LRMDA: variants seen among roughly 807,000 people sequenced by gnomAD.
LRMDA encodes the protein leucine rich melanocyte differentiation associated.
A neutral mutation model predicts 29.8 loss-of-function variants in LRMDA; 18 were observed. The observed-to-expected ratio is 0.60, with a 90% CI of 0.42 to 0.90. The LOEUF (loss-of-function observed/expected upper bound fraction) is 0.90, where lower values mean the gene tolerates loss of function less well. Among genes scored for constraint, LRMDA ranks in the 40% least tolerant of loss-of-function variants. LRMDA has a pLI of 0.00. For synonymous variants in LRMDA, 125 were observed against 109.4 expected, an observed-to-expected ratio of 1.14 and a Z score of -0.89; for missense variants, 273 against 273.9, an observed-to-expected ratio of 1.00 and a Z score of 0.02.
At chr10:76,113,810 G>A (rs1208628689) in intron 5 of LRMDA, among the ~76,000 whole-genome samples, 4 of 152,190 alleles carry the variant, frequency 2.6e-5, no homozygotes, top group Non-Finnish European at 4.4e-5. Flanking sequence ...GCTCGCCATG[G>A]CAACCTTTTC....
chr10:75,837,355 G>A (rs1453310054), intron 2 of LRMDA, among the ~76,000 whole-genome samples: 1 of 152,122 alleles, frequency 6.6e-6, no homozygotes, highest in Non-Finnish European at 1.5e-5. Flanking sequence ...GAATTTGAGT[G>A]AGCCCTTGAA....
At chr10:76,023,651 G>A (rs1848013809) in intron 2 of LRMDA, among the ~76,000 whole-genome samples, 1 of 152,356 alleles carries the variant, frequency 6.6e-6, no homozygotes, top group South Asian at 2.1e-4. Flanking sequence ...CAGGAGGCAA[G>A]GGTTTGACTG....
chr10:76,422,596 C>T (rs7923225), intron 6 of LRMDA, among the ~76,000 whole-genome samples: 6,943 of 152,232 alleles, frequency 0.046, 423 homozygotes, highest in African/African-American at 0.14. Context: ...TTTCATGTCT[C>T]ATTCTAGGGT....
intron 5 of LRMDA, among the ~76,000 whole-genome samples, chr10:76,108,976 A>C (rs1222585769): frequency 6.6e-6 from 1 of 152,220 alleles, no homozygotes; most frequent in East Asian, 1.9e-4. Flanking sequence ...ATGGGCAGCG[A>C]ATTTCTGAAA....
chr10:75,663,903 A>G (rs1841787746), intron 2 of LRMDA, among the ~76,000 whole-genome samples: 1 of 152,124 alleles, frequency 6.6e-6, no homozygotes, highest in Admixed American at 6.5e-5. Flanking sequence ...ACAAAATTCA[A>G]CACTTGTCTT....
At chr10:76,180,222 G>A (rs1433239520) in intron 5 of LRMDA, among the ~76,000 whole-genome samples, 1 of 151,362 alleles carries the variant, frequency 6.6e-6, no homozygotes, top group African/African-American at 2.4e-5. Flanking sequence ...AGACTCCTGT[G>A]AGCCCAGTAG....
intron 2 of LRMDA, among the ~76,000 whole-genome samples, chr10:75,765,254 C>G (rs1009391981): frequency 6.6e-6 from 1 of 151,560 alleles, no homozygotes; most frequent in Non-Finnish European, 1.5e-5. Flanking sequence ...ATGAGCCAAT[C>G]CCTGTCAGAT....
chr10:76,299,709 A>G lies in LRMDA; in HGVS notation c.517-24692A>G, dbSNP rs567179302. Among the ~76,000 whole-genome samples, 6 of 151,694 alleles carry G rather than the reference A, an allele frequency of 4.0e-5. No homozygotes were observed. The East Asian group carries it at 9.7e-4, about 25-fold the overall frequency. ...ACTGCCTGGGGGCCAAAACTTGCTA[A>G]TTAGAGGGTTGGAGGAATCTTCGCA... On this transcript the variant is annotated intron_variant, in intron 5 of 6. Transcript: ENST00000611255.
intron 2 of LRMDA, among the ~76,000 whole-genome samples, chr10:75,464,093 C>T (rs559137114): frequency 9.8e-5 from 15 of 152,350 alleles, no homozygotes; most frequent in South Asian, 6.2e-4. Flanking sequence ...TGAGCCACTG[C>T]GCCCATCCTG....
chr10:75,629,735 A>G (rs1405555757), intron 2 of LRMDA, among the ~76,000 whole-genome samples: 1 of 152,252 alleles, frequency 6.6e-6, no homozygotes, highest in Non-Finnish European at 1.5e-5. Flanking sequence ...ATAACTAGTT[A>G]AAATGATATC....
chr10:76,124,033 T>A (rs769335021), intron 5 of LRMDA, among the ~76,000 whole-genome samples: 8 of 152,214 alleles, frequency 5.3e-5, no homozygotes, highest in Non-Finnish European at 8.8e-5. Flanking sequence ...TTGTTAATCT[T>A]GCTTTCTTCT....
intron 2 of LRMDA, among the ~76,000 whole-genome samples, chr10:75,981,265 A>T (rs919544856): frequency 1.3e-5 from 2 of 152,100 alleles, no homozygotes; most frequent in Non-Finnish European, 2.9e-5. Flanking sequence ...CAATTGGAAG[A>T]TATGTTTTCT....
At chr10:75,917,592 T>C (rs1564606312) in intron 2 of LRMDA, among the ~76,000 whole-genome samples, 1 of 152,118 alleles carries the variant, frequency 6.6e-6, no homozygotes, top group African/African-American at 2.4e-5. Flanking sequence ...TATCAACGAA[T>C]GGATTATTTT....
chr10:76,478,262 G>T (rs1589207918), intron 6 of LRMDA, among the ~76,000 whole-genome samples: 1 of 152,270 alleles, frequency 6.6e-6, no homozygotes, highest in East Asian at 1.9e-4. Flanking sequence ...CTTCTCAAAA[G>T]AAGACATTTA....
At chr10:75,431,959 C>T (rs187866179) in intron 1 of LRMDA, among the ~76,000 whole-genome samples, 125 of 152,288 alleles carry the variant, frequency 8.2e-4, no homozygotes, top group Middle Eastern at 3.4e-3. Flanking sequence ...CCTTGATGTG[C>T]GGGAAGAACA....
At chr10:75,727,295 C>T (rs975499442) in intron 2 of LRMDA, among the ~76,000 whole-genome samples, 4 of 152,160 alleles carry the variant, frequency 2.6e-5, no homozygotes, top group Admixed American at 2.6e-4. Flanking sequence ...AATCTGTCCT[C>T]TGAGCGTGTG....
chr10:76,090,974 A>G lies in LRMDA; in HGVS notation c.516+32191A>G, dbSNP rs545612363. 2.7e-3 allele frequency among the ~76,000 whole-genome samples: 409 copies of G among 152,282 alleles called. 3 individuals carry two copies. The highest frequency in any genetic ancestry group is 9.6e-3 in the African/African-American group (397 of 41,554). ...AGCTATATATTTAGAAATGGTTAAG[A>G]TGGTAAATTTTGTGTTATGTGTATT... On this transcript the variant is annotated intron_variant, in intron 5 of 6. Transcript: ENST00000611255.
intron 2 of LRMDA, among the ~76,000 whole-genome samples, chr10:75,496,070 G>T (rs946239093): frequency 1.3e-5 from 2 of 152,198 alleles, no homozygotes; most frequent in African/African-American, 4.8e-5. Flanking sequence ...AGTCTGAGCA[G>T]ATAATGTTTG....
chr10:75,470,758 G>A (rs987229120), intron 2 of LRMDA, among the ~76,000 whole-genome samples: 6 of 152,152 alleles, frequency 3.9e-5, no homozygotes, highest in African/African-American at 1.2e-4. Context: ...GAACAGTCAC[G>A]TCCCAGGGTA....
Sources: gnomAD v4.1 joint callset for allele counts (sites outside exome capture counted in the v4.1 genomes callset) on GRCh38, gnomAD v4.1.1 for gene constraint, MANE v1.5 for transcripts, NCBI Gene and HGNC (gene_info 2026-07-23, HGNC 2026-07-21) for gene names.